Variants in SOX6 observed in about 807,000 individuals in gnomAD.
SOX6 encodes the protein transcription factor SOX-6.
In SOX6, 11 loss-of-function variants were observed where a neutral mutation model predicts 97.8. The observed-to-expected ratio is 0.11, with a 90% confidence interval of 0.07 to 0.19. The LOEUF (loss-of-function observed/expected upper bound fraction) is 0.19, where lower values mean the gene tolerates loss of function less well. Among genes scored for constraint, SOX6 ranks in the 10% least tolerant of loss-of-function variants. SOX6 has a pLI of 1.00. For missense variants in SOX6, 810 were observed against 1,039.5 expected (o/e 0.78, Z 3.04); for synonymous variants, 360 against 371.4 (o/e 0.97, Z 0.35).
In SOX6 at chr11:16,095,984, A is replaced by T; in HGVS notation, c.1101+12T>A. On this transcript the variant is annotated intron_variant, in intron 9 of 15. Transcript: ENST00000683767. Reference sequence around the variant, plus strand: ...CCCCAACCCAATGAAGCATCAATGGAAGCATTCATACCTCAATCTGTTTGT... The same window carrying T: ...CCCCAACCCAATGAAGCATCAATGGTAGCATTCATACCTCAATCTGTTTGT... 2 of 1,610,680 alleles carry T rather than the reference A, an allele frequency of 1.2e-6. No individual in the cohort carries two copies. The highest frequency in any genetic ancestry group is 1.7e-6 in the Non-Finnish European group (2 of 1,177,926).
At chr11:16,430,588 G>T (rs1273961658) in intron 1 of SOX6, among the ~76,000 whole-genome samples, 1 of 152,128 alleles carries the variant, frequency 6.6e-6, no homozygotes, top group African/African-American at 2.4e-5. Flanking sequence ...TTTCCTCCTT[G>T]TGAGGTCAGA....
Position 16,055,812 on chromosome 11 carries a change from C to G in SOX6, c.1191G>C (p.Thr397=). ...CATTTTTTATCCCAGTAGGTGAGAC[C>G]GTCCCTGCTGTGTTTGGTGGCTGTG... ...STPQPPNTAG[T]VSPTGIKNEK... Residue 397 remains threonine, a synonymous_variant, in exon 10 of 16, where the codon ACG becomes ACC. Transcript: ENST00000683767. 6.2e-7 allele frequency: 1 copy of G among 1,613,752 alleles called. No homozygotes were observed. Among genetic ancestry groups the G allele is most frequent in the Non-Finnish European group, 8.5e-7 (1 of 1,179,840 alleles).
intron 2 of SOX6, among the ~76,000 whole-genome samples, chr11:16,336,528 C>T (rs971431454): frequency 6.6e-6 from 1 of 152,170 alleles, no homozygotes; most frequent in African/African-American, 2.4e-5. Flanking sequence ...CAAACTCTCA[C>T]CTGCACCACT....
intron 9 of SOX6, among the ~76,000 whole-genome samples, chr11:16,078,449 A>G (rs1362919947): frequency 2.0e-5 from 3 of 152,184 alleles, no homozygotes; most frequent in Non-Finnish European, 2.9e-5. Context: ...GCTGAGTCCA[A>G]TCATGTATTT....
chr11:15,993,425 G>A (rs1333588077), intron 13 of SOX6, among the ~76,000 whole-genome samples: 1 of 150,966 alleles, frequency 6.6e-6, no homozygotes, highest in African/African-American at 2.4e-5. Context: ...GGGGTCATTT[G>A]TGAGTTCAGC....
intron 12 of SOX6, among the ~76,000 whole-genome samples, chr11:16,034,720 T>C (rs1007096653): frequency 6.6e-6 from 1 of 152,122 alleles, no homozygotes; most frequent in East Asian, 1.9e-4. Context: ...ACAACACACA[T>C]ACACTGTCAT....
At chr11:16,278,204 T>C (rs1854453782) in intron 3 of SOX6, among the ~76,000 whole-genome samples, 1 of 152,162 alleles carries the variant, frequency 6.6e-6, no homozygotes, top group South Asian at 2.1e-4. Flanking sequence ...AAATGCCAAA[T>C]AACGTTTTTT....
chr11:16,296,567 C>G (rs1243106065), intron 3 of SOX6, among the ~76,000 whole-genome samples: 1 of 152,080 alleles, frequency 6.6e-6, no homozygotes, highest in African/African-American at 2.4e-5. Context: ...GTGTAGCTCA[C>G]TGTTTAAATG....
At chr11:16,029,391 A>G (rs1855298067) in intron 12 of SOX6, among the ~76,000 whole-genome samples, 1 of 151,972 alleles carries the variant, frequency 6.6e-6, no homozygotes, top group Admixed American at 6.6e-5. Context: ...TAATTCCAGC[A>G]CTTTGGGAGG....
chr11:16,497,980 C>T (rs1255471411), intron 4 of SOX6, among the ~76,000 whole-genome samples: 1 of 152,152 alleles, frequency 6.6e-6, no homozygotes, highest in East Asian at 1.9e-4. Context: ...CACAAAGATA[C>T]TCCTCGAGAA....
At chr11:16,448,252 T>G (rs965076841) in intron 1 of SOX6, among the ~76,000 whole-genome samples, 1 of 152,160 alleles carries the variant, frequency 6.6e-6, no homozygotes, top group South Asian at 2.1e-4. Context: ...TCCAGGTTAA[T>G]AAAAATACAT....
In SOX6 at chr11:16,201,913, G is replaced by A. The variant is rs915378242; in HGVS notation, c.536-14958C>T. ...CTCCCAAAGTGCTGGGATTACAGGC[G>A]TGAGCCACCGCGCCCGGCCTGCAAA... On this transcript the variant is annotated intron_variant, in intron 4 of 15. Transcript: ENST00000683767. 2.2e-5 allele frequency among the ~76,000 whole-genome samples: 3 copies of A among 135,510 alleles called. No individual in the cohort carries two copies. The East Asian group carries it at 1.5e-3, about 66-fold the overall frequency. 88.9% of individuals were successfully genotyped at this position (135,510 alleles called of 152,430 possible).
intron 4 of SOX6, among the ~76,000 whole-genome samples, chr11:16,510,765 C>T (rs942219064): frequency 1.3e-5 from 2 of 151,974 alleles, no homozygotes; most frequent in African/African-American, 4.8e-5. Flanking sequence ...ATATGTACAT[C>T]CTGGAGATTG....
At chr11:16,401,378 CA>C (rs560156884) in intron 1 of SOX6, among the ~76,000 whole-genome samples, 108 of 151,118 alleles carry the variant, frequency 7.1e-4, no homozygotes, top group African/African-American at 2.6e-3. Context: ...TAATAGTTAC[CA>C]AAAAAAATCT....
intron 4 of SOX6, among the ~76,000 whole-genome samples, chr11:16,201,932 C>CTTATT: frequency 7.4e-6 from 1 of 135,406 alleles, no homozygotes. Flanking sequence ...CGCGCCCGGC[C>CTTATT]TGCAAAGTAT....
At chr11:16,609,997 G>C (rs1472067413) in intron 4 of SOX6, among the ~76,000 whole-genome samples, 2 of 152,320 alleles carry the variant, frequency 1.3e-5, no homozygotes, top group South Asian at 2.1e-4. Context: ...AGCTCTTAAA[G>C]GCCAGGGCTC....
At chr11:16,425,804 G>A (rs1859116706) in intron 1 of SOX6, among the ~76,000 whole-genome samples, 1 of 152,118 alleles carries the variant, frequency 6.6e-6, no homozygotes, top group Non-Finnish European at 1.5e-5. Flanking sequence ...ACTGCTCACA[G>A]AAATCAGAGA....
At chr11:16,511,826 T>C (rs1057381376) in intron 4 of SOX6, among the ~76,000 whole-genome samples, 1 of 152,168 alleles carries the variant, frequency 6.6e-6, no homozygotes, top group African/African-American at 2.4e-5. Context: ...ATTTCTCTAA[T>C]TGTTTTTCTT....
intron 4 of SOX6, among the ~76,000 whole-genome samples, chr11:16,500,334 A>G (rs1396170937): frequency 1.3e-5 from 2 of 152,228 alleles, no homozygotes; most frequent in African/African-American, 2.4e-5. Flanking sequence ...GCTATCTATG[A>G]GAAACCCACA....
Sources: allele counts gnomAD v4.1 joint callset (sites outside exome capture counted in the v4.1 genomes callset), GRCh38; gene constraint gnomAD v4.1.1; transcripts MANE v1.5; gene names NCBI Gene and HGNC (gene_info 2026-07-23, HGNC 2026-07-21).